Variants in RCHY1 observed in about 807,000 individuals in gnomAD.
The protein encoded by RCHY1 is ring finger and CHY zinc finger domain containing 1.
Under a neutral mutation model 41.6 loss-of-function variants are expected in RCHY1, and 21 were observed. The ratio of observed to expected loss-of-function variants is 0.51; its 90% CI spans 0.36 to 0.73. The LOEUF (loss-of-function observed/expected upper bound fraction) is 0.73, where lower values mean the gene tolerates loss of function less well. Ranked by LOEUF, RCHY1 falls within the 30% of genes least tolerant of loss-of-function variation. RCHY1 has a pLI of 0.00. For missense variants in RCHY1, 265 were observed against 325.3 expected, an observed-to-expected ratio of 0.81 and a Z score of 1.43; for synonymous variants, 79 against 102.9, an observed-to-expected ratio of 0.77 and a Z score of 1.41.
At chr4:75,498,818 C>T (rs1578224424) in intron 3 of RCHY1, among the ~76,000 whole-genome samples, 1 of 152,124 alleles carries the variant, frequency 6.6e-6, no homozygotes, top group Non-Finnish European at 1.5e-5. Flanking sequence ...AAACCTAAGA[C>T]CTGAAACTAT....
Position 75,490,618 on chromosome 4 carries a change from G to T in RCHY1, c.620C>A (p.Thr207Asn). Residue 207 changes from threonine (T) to asparagine (N), a missense_variant, in exon 8 of 9, where the codon ACT (threonine) becomes AAT (asparagine). Coordinates refer to ENST00000324439, the MANE Select transcript of RCHY1 (RefSeq NM_015436.4). Reference sequence around the variant, plus strand: ...GTTCTGATATTCTGATGGCATAGGAGTCTGTGCTACTTCATCATCCAGCTG... The same window carrying T: ...GTTCTGATATTCTGATGGCATAGGATTCTGTGCTACTTCATCATCCAGCTG... ...WRQLDDEVAQ[T>N]PMPSEYQNMT... The T allele has an allele frequency of 1.2e-6, 2 of 1,612,294 alleles. No individual in the cohort carries two copies. Among genetic ancestry groups the T allele is most frequent in the Middle Eastern group, 1.7e-4 (1 of 6,052 alleles).
chr4:75,505,748 A>G (rs1724237027), intron 3 of RCHY1, among the ~76,000 whole-genome samples: 1 of 152,238 alleles, frequency 6.6e-6, no homozygotes, highest in South Asian at 2.1e-4. Flanking sequence ...GAAAAACTCA[A>G]TTTAAAGAAA....
At chr4:75,505,010 G>A (rs1163721587) in intron 3 of RCHY1, among the ~76,000 whole-genome samples, 2 of 152,066 alleles carry the variant, frequency 1.3e-5, no homozygotes, top group Non-Finnish European at 1.5e-5. Context: ...ATACGGCAGC[G>A]GTCACCAACC....
At chr4:75,503,768 C>T (rs1435750740) in intron 3 of RCHY1, among the ~76,000 whole-genome samples, 1 of 151,994 alleles carries the variant, frequency 6.6e-6, no homozygotes, top group Non-Finnish European at 1.5e-5. Flanking sequence ...CTTCAAATTA[C>T]ATTATTTCAT....
chr4:75,510,453 T>A (rs978866234), intron 1 of RCHY1, among the ~76,000 whole-genome samples: 5 of 152,208 alleles, frequency 3.3e-5, no homozygotes, highest in African/African-American at 1.2e-4. Flanking sequence ...ACCTTGCAGA[T>A]CCACTCATTT....
Position 75,508,812 on chromosome 4 carries a change from T to C in RCHY1, c.326+8A>G. 6.6e-7 allele frequency: 1 copy of C among 1,515,388 alleles called. No individual in the cohort carries two copies. The highest frequency in any genetic ancestry group is 9.1e-7 in the Non-Finnish European group (1 of 1,100,874). The allele number at this position is 1,515,388 out of a possible 1,614,324, so 93.9% of individuals were successfully genotyped here. ...AGCAATTAGATAAGAACACTTTACA[T>C]ACAGTACCTACAAATTCCACAGTTT... On this transcript the variant is annotated splice_region_variant and intron_variant, in intron 3 of 8. Coordinates refer to ENST00000324439, the MANE Select transcript of RCHY1 (RefSeq NM_015436.4).
At chr4:75,497,041 A>G (rs570709503) in intron 3 of RCHY1, among the ~76,000 whole-genome samples, 322 of 152,270 alleles carry the variant, frequency 2.1e-3, no homozygotes, top group Non-Finnish European at 3.4e-3. Context: ...AAAAACTACA[A>G]TGTCTGAGAT....
At position 75,480,763 on chromosome 4, in the gene RCHY1, G is replaced by A. The variant is rs562456423; in HGVS notation, c.*1775C>T. 2 of 152,360 alleles carry A rather than the reference G, an allele frequency of 1.3e-5. No homozygotes were observed. Among genetic ancestry groups the A allele is most frequent in the African/African-American group, 4.8e-5 (2 of 41,560 alleles). 9.4% of individuals were successfully genotyped at this position (152,360 alleles called of 1,614,324 possible). On this transcript the variant is annotated 3_prime_UTR_variant, in exon 9 of 9. Coordinates refer to ENST00000324439, the MANE Select transcript of RCHY1 (RefSeq NM_015436.4). Reference sequence around the variant, plus strand: ...CTCATGCCTGTAATCCTAGCCCTTGGAAGGCCGAGGTAGGAGAAATGCTTG... The same window carrying A: ...CTCATGCCTGTAATCCTAGCCCTTGAAAGGCCGAGGTAGGAGAAATGCTTG...
intron 8 of RCHY1, among the ~76,000 whole-genome samples, chr4:75,488,083 T>A (rs533626110): frequency 1.3e-5 from 2 of 151,450 alleles, no homozygotes; most frequent in African/African-American, 4.8e-5. Context: ...ATTTGATCTG[T>A]TAAATTACAT....
intron 3 of RCHY1, among the ~76,000 whole-genome samples, chr4:75,504,551 T>G (rs1241972287): frequency 1.3e-5 from 2 of 152,216 alleles, no homozygotes; most frequent in African/African-American, 2.4e-5. Flanking sequence ...AATTGGCTAT[T>G]TGTGTTATTG....
At chr4:75,509,879 C>T (rs1724707923) in intron 1 of RCHY1, 1 of 157,570 alleles carries the variant, frequency 6.3e-6, no homozygotes, top group African/African-American at 2.4e-5. Flanking sequence ...AATTAAACCT[C>T]TTTTTCTTCC....
chr4:75,493,957 C>T (rs751604398), intron 4 of RCHY1, 144 bp downstream of exon 4: 106 of 560,100 alleles, frequency 1.9e-4, no homozygotes, highest in Non-Finnish European at 2.1e-4. Context: ...AAAATATCTA[C>T]TTGTTAATAC....
chr4:75,508,685 A>G, intron 3 of RCHY1, 135 bp downstream of exon 3: 1 of 499,032 alleles, frequency 2.0e-6, no homozygotes, highest in Non-Finnish European at 3.5e-6. Context: ...GGTATTTATC[A>G]AAACTCACTT....
rs1721386066 is a variant in RCHY1, at chr4:75,479,824, G to GTC, written c.*2712_*2713dup. On this transcript the variant is annotated 3_prime_UTR_variant, in exon 9 of 9. Transcript: ENST00000324439. ...GATAATTCTAGTGTACTTAAGATCTGTCTAAGTATTTAACATTCCTGTAAG... is the reference window on the plus strand; with the variant it reads ...GATAATTCTAGTGTACTTAAGATCTGTCTCTAAGTATTTAACATTCCTGTAAG... 1 of 152,102 alleles carries GTC rather than the reference G, an allele frequency of 6.6e-6. No homozygotes were observed. Among genetic ancestry groups the GTC allele is most frequent in the African/African-American group, 2.4e-5 (1 of 41,442 alleles). The allele number at this position is 152,102 out of a possible 1,614,324, so 9.4% of individuals were successfully genotyped here.
At chr4:75,484,874 CA>C (rs1013347565) in intron 8 of RCHY1, among the ~76,000 whole-genome samples, 16 of 145,298 alleles carry the variant, frequency 1.1e-4, no homozygotes, top group African/African-American at 2.3e-4. Context: ...AAAACCAAAC[CA>C]AAAAAAAAAG....
rs564495555 is a variant in RCHY1 at position 75,479,701 on chromosome 4, T to A, written c.*2837A>T. 6.6e-6 allele frequency: 1 copy of A among 152,064 alleles called. No homozygotes were observed. The highest frequency in any genetic ancestry group is 2.4e-5 in the African/African-American group (1 of 41,430). The allele number at this position is 152,064 out of a possible 1,614,324, so 9.4% of individuals were successfully genotyped here. On this transcript the variant is annotated 3_prime_UTR_variant, in exon 9 of 9. Coordinates refer to ENST00000324439, the MANE Select transcript of RCHY1 (RefSeq NM_015436.4). ...AGCTGAGATGCTATGCACCAAAAAA[T>A]TCGTAAGGGTATTGTTATTTTACTT...
chr4:75,491,377 A>T lies in RCHY1; in HGVS notation c.536+234T>A, dbSNP rs181627484. 574 of 384,472 alleles carry T rather than the reference A, an allele frequency of 1.5e-3. 2 individuals carry two copies. The highest frequency in any genetic ancestry group is 0.011 in the African/African-American group (523 of 47,966). 23.8% of individuals were successfully genotyped at this position (384,472 alleles called of 1,614,324 possible). A position where few individuals can be genotyped will look rare whatever the true frequency, so the allele number is the denominator to read the frequency against. ...TATATGGCCAGAAAAAAAAGAGGTA[A>T]CTACCTCAAATTGTGGGAGGAGACA... On this transcript the variant is annotated intron_variant, in intron 7 of 8. Coordinates refer to ENST00000324439, the MANE Select transcript of RCHY1 (RefSeq NM_015436.4).
At chr4:75,491,989 T>C (rs1005993208) in intron 4 of RCHY1, 56 bp from the exon 5 acceptor site, 2 of 1,297,440 alleles carry the variant, frequency 1.5e-6, no homozygotes, top group African/African-American at 1.5e-5. Context: ...AAATGTCAGG[T>C]ATAAAAATAT....
intron 3 of RCHY1, among the ~76,000 whole-genome samples, chr4:75,500,893 G>T (rs543662076): frequency 1.3e-4 from 20 of 152,100 alleles, no homozygotes; most frequent in African/African-American, 4.8e-4. Flanking sequence ...AAAAATACAG[G>T]AATTAATACA....
Sources: allele counts gnomAD v4.1 joint callset (sites outside exome capture counted in the v4.1 genomes callset), GRCh38; gene constraint gnomAD v4.1.1; transcripts MANE v1.5; gene names NCBI Gene and HGNC (gene_info 2026-07-23, HGNC 2026-07-21).